Variants in SPTB observed in about 807,000 individuals in gnomAD.
The protein encoded by SPTB is spectrin beta chain, erythrocytic.
SPTB carries 45 observed loss-of-function variants against 256.2 expected under a neutral mutation model. The observed-to-expected ratio is 0.18, with a 90% CI of 0.14 to 0.23. The LOEUF is 0.23. SPTB is among the 10% of genes least tolerant of loss of function. The pLI is 1.00. For synonymous variants in SPTB, 1,231 were observed against 1,243.1 expected (o/e 0.99, Z 0.21); for missense variants, 2,715 against 3,040.4 (o/e 0.89, Z 2.52).
Position 64,785,551 on chromosome 14 carries a change from G to A in SPTB, c.3841C>T (p.Gln1281Ter). 2 of 1,613,414 alleles carry A rather than the reference G, an allele frequency of 1.2e-6. No homozygotes were observed. Among genetic ancestry groups the A allele is most frequent in the Non-Finnish European group, 1.7e-6 (2 of 1,179,786 alleles). The change falls in exon 18 of 36, where the codon CAG becomes TAG. Residue 1281 changes from glutamine (Q) to a stop codon, truncating the protein, a stop_gained. Coordinates refer to ENST00000644917, the MANE Select transcript of SPTB (RefSeq NM_001355436.2). LOFTEE classifies it high-confidence loss of function. This position sits in a 1 kb window ranked among gnomAD's most constrained non-coding sequence, Gnocchi z 4.4. ...RDNLELQNFL[Q>*]NCQELTLWIN... Reference sequence around the variant, plus strand: ...TGGAGCCTCACCTCCTGGCAGTTCTGGAGGAAGTTCTGTAGCTCCAGGTTG... The same window carrying A: ...TGGAGCCTCACCTCCTGGCAGTTCTAGAGGAAGTTCTGTAGCTCCAGGTTG...
rs183372581 is a variant in SPTB, at chr14:64,839,831, T to C, written c.-51-16686A>G. 6.6e-5 allele frequency among the ~76,000 whole-genome samples: 10 copies of C among 152,294 alleles called. No homozygotes were observed. The South Asian group carries it at 1.2e-3, about 19-fold the overall frequency. On this transcript the variant is annotated intron_variant, in intron 1 of 35. Coordinates refer to ENST00000644917, the MANE Select transcript of SPTB (RefSeq NM_001355436.2). ...ATAATGATACAACAAGATAGAGCTA[T>C]GCAAGTGTCAAGAGAGAGGCATAAA...
At chr14:64,811,883 T>C (rs1483274363) in intron 2 of SPTB, among the ~76,000 whole-genome samples, 1 of 152,190 alleles carries the variant, frequency 6.6e-6, no homozygotes, top group East Asian at 1.9e-4. Flanking sequence ...CTGGAAAGGG[T>C]ATAACTGGCT....
Position 64,823,111 on chromosome 14 carries a change from C to A in SPTB, c.-17G>T. The A allele has an allele frequency of 1.2e-6, 2 of 1,613,894 alleles. No homozygotes were observed. Among genetic ancestry groups the A allele is most frequent in the South Asian group, 1.1e-5 (1 of 91,084 alleles). On this transcript the variant is annotated 5_prime_UTR_variant, in exon 2 of 36. Coordinates refer to ENST00000644917, the MANE Select transcript of SPTB (RefSeq NM_001355436.2). The surrounding 1 kb of genome is among the most constrained non-coding windows in gnomAD (Gnocchi z 6.5). ...CGATGTCATGTCAGCAGGCTCTTAG[C>A]AGCTCCGCCTGCCTCAGTCTTCATG...
chr14:64,854,546 G>C (rs1180299406), intron 1 of SPTB, among the ~76,000 whole-genome samples: 1 of 151,974 alleles, frequency 6.6e-6, no homozygotes. Flanking sequence ...CCAAAGTGCT[G>C]GGATTACAGG....
chr14:64,794,768 A>C (rs2082736680), intron 12 of SPTB, 151 bp from the exon 13 acceptor site: 3 of 1,006,162 alleles, frequency 3.0e-6, no homozygotes, highest in Non-Finnish European at 4.5e-6. Flanking sequence ...GGATGGAAGA[A>C]GCTCCAGAGG....
At chr14:64,877,145 T>A (rs1268898759) in intron 1 of SPTB, among the ~76,000 whole-genome samples, 2 of 148,382 alleles carry the variant, frequency 1.3e-5, no homozygotes, top group Non-Finnish European at 3.0e-5. Context: ...GGAAAATCTG[T>A]TCTTTAAAAA....
At position 64,759,791 on chromosome 14, in the gene SPTB, G is replaced by C. The variant is rs2082067190; in HGVS notation, c.6346-5998C>G. 6.6e-6 allele frequency among the ~76,000 whole-genome samples: 1 copy of C among 152,238 alleles called. No homozygotes were observed. Among genetic ancestry groups the C allele is most frequent in the Non-Finnish European group, 1.5e-5 (1 of 68,030 alleles). ...AGGGCTGCCACCCACCGGAGCAGGG[G>C]ACACTCTGAAGGAAGAGAGTCCCGC... On this transcript the variant is annotated intron_variant, in intron 32 of 35. Transcript: ENST00000644917. The surrounding 1 kb of genome is among the most constrained non-coding windows in gnomAD (Gnocchi z 4.8).
At position 64,790,418 on chromosome 14, in the gene SPTB, C is replaced by T. The variant is rs1383860913; in HGVS notation, c.2804+1301G>A. Reference sequence around the variant, plus strand: ...GCAGCAATTGCAATAATCTCTACCACCTCCTGCCCACCAACACACACAAAC... The same window carrying T: ...GCAGCAATTGCAATAATCTCTACCATCTCCTGCCCACCAACACACACAAAC... On this transcript the variant is annotated intron_variant, in intron 15 of 35. Transcript: ENST00000644917. This position sits in a 1 kb window ranked among gnomAD's most constrained non-coding sequence, Gnocchi z 4.8. 6.6e-6 allele frequency among the ~76,000 whole-genome samples: 1 copy of T among 152,186 alleles called. No homozygotes were observed. The highest frequency in any genetic ancestry group is 1.9e-4 in the East Asian group (1 of 5,206).
rs759223662 is a variant in SPTB, at chr14:64,800,736, G to A, written c.876+20C>T. 6.2e-7 allele frequency: 1 copy of A among 1,602,454 alleles called. No individual in the cohort carries two copies. Among genetic ancestry groups the A allele is most frequent in the South Asian group, 1.1e-5 (1 of 90,826 alleles). On this transcript the variant is annotated intron_variant, in intron 8 of 35. Coordinates refer to ENST00000644917, the MANE Select transcript of SPTB (RefSeq NM_001355436.2). ...ACAAACAGGGGAAGAGTGACACTTTGGTTCCAAAACAGCTTGTACCTTGCC... is the reference window on the plus strand; with the variant it reads ...ACAAACAGGGGAAGAGTGACACTTTAGTTCCAAAACAGCTTGTACCTTGCC...
intron 1 of SPTB, among the ~76,000 whole-genome samples, chr14:64,856,291 C>T (rs4902322): frequency 1.3e-5 from 2 of 152,050 alleles, no homozygotes; most frequent in African/African-American, 4.8e-5. Flanking sequence ...GCCAAGAGTC[C>T]TTCCCAAACC....
chr14:64,748,471 A>G lies in SPTB; in HGVS notation c.*835T>C, dbSNP rs959710736. The G allele has an allele frequency of 2.0e-5, 3 of 152,288 alleles. No individual in the cohort carries two copies. Among genetic ancestry groups the G allele is most frequent in the African/African-American group, 4.8e-5 (2 of 41,440 alleles). 9.4% of individuals were successfully genotyped at this position (152,288 alleles called of 1,614,324 possible). A position where few individuals can be genotyped will look rare whatever the true frequency, so the allele number is the denominator to read the frequency against. On this transcript the variant is annotated 3_prime_UTR_variant, in exon 36 of 36. Coordinates refer to ENST00000644917, the MANE Select transcript of SPTB (RefSeq NM_001355436.2). The stretch of plus-strand genomic sequence containing the variant: ...CGCACCTGTCACTCCTTCAGATCAG[A>G]GCCCTGTGCCCTAGCCACGGTTTTC...
At chr14:64,750,614 A>G (rs926562111) in intron 33 of SPTB, among the ~76,000 whole-genome samples, 7 of 151,886 alleles carry the variant, frequency 4.6e-5, no homozygotes, top group African/African-American at 1.7e-4. Flanking sequence ...CATCTCTACT[A>G]AAAATACAAA....
Position 64,761,180 on chromosome 14 carries a change from G to A in SPTB, c.6345+5546C>T, listed in dbSNP as rs892921348. ...CCGCCAAGAAGTGTTGCCCTCGCCC[G>A]GTGTCTGATATCTCAGCTCTTGTCC... On this transcript the variant is annotated intron_variant, in intron 32 of 35. Transcript: ENST00000644917. Among the ~76,000 whole-genome samples, 45 of 152,138 alleles carry A rather than the reference G, an allele frequency of 3.0e-4. 1 individual carries two copies. Among genetic ancestry groups the A allele is most frequent in the Admixed American group, 2.0e-4 (3 of 15,266 alleles).
chr14:64,830,026 C>T (rs1348960941), intron 1 of SPTB, among the ~76,000 whole-genome samples: 3 of 152,154 alleles, frequency 2.0e-5, no homozygotes, highest in East Asian at 1.9e-4. Flanking sequence ...TCTCAGATGT[C>T]GCTTCCTTGT....
At chr14:64,851,985 A>G (rs185182900) in intron 1 of SPTB, among the ~76,000 whole-genome samples, 87 of 152,308 alleles carry the variant, frequency 5.7e-4, no homozygotes, top group African/African-American at 2.1e-3. Flanking sequence ...TTACCTATGT[A>G]ACAAACCTAC....
intron 15 of SPTB, among the ~76,000 whole-genome samples, chr14:64,791,179 G>A (rs1490284473): frequency 6.6e-6 from 1 of 152,042 alleles, no homozygotes; most frequent in East Asian, 1.9e-4. Context: ...CCCAGGACTC[G>A]TCTCTCTCCC....
chr14:64,752,251 CTG>C (rs780688031), intron 33 of SPTB: 22 of 1,346,926 alleles, frequency 1.6e-5, no homozygotes, highest in Non-Finnish European at 2.9e-6. Flanking sequence ...GCAACAGACT[CTG>C]TTTCCTCCTC....
intron 19 of SPTB, among the ~76,000 whole-genome samples, chr14:64,783,421 C>T (rs8003857): frequency 0.29 from 43,398 of 151,872 alleles, 6,784 homozygotes; most frequent in African/African-American, 0.41. Context: ...AGGCTGGTCT[C>T]GAACTCCAGA....
At chr14:64,765,047 C>T (rs532080162) in intron 32 of SPTB, among the ~76,000 whole-genome samples, 181 of 86,446 alleles carry the variant, frequency 2.1e-3, no homozygotes, top group Non-Finnish European at 2.9e-3. Context: ...TGTGTGCGCG[C>T]GCGCGCGCGG....
Sources: allele counts gnomAD v4.1 joint callset (sites outside exome capture counted in the v4.1 genomes callset), GRCh38; gene constraint gnomAD v4.1.1; non-coding constraint Gnocchi (gnomAD v3.1); transcripts MANE v1.5; gene names NCBI Gene and HGNC (gene_info 2026-07-23, HGNC 2026-07-21).